PPP2R2D: variants seen among roughly 807,000 people sequenced by gnomAD.
PPP2R2D encodes the protein serine/threonine-protein phosphatase 2A 55 kDa regulatory subunit B delta isoform.
In PPP2R2D, 9 loss-of-function variants were observed where a neutral mutation model predicts 31.1. The observed-to-expected ratio is 0.29, with a 90% CI of 0.17 to 0.51. The LOEUF (loss-of-function observed/expected upper bound fraction) is 0.51, where lower values mean the gene tolerates loss of function less well. PPP2R2D is among the 20% of genes least tolerant of loss of function. The pLI is 0.98. For synonymous variants in PPP2R2D, 179 were observed against 172.6 expected (o/e 1.04, Z -0.29); for missense variants, 391 against 465.6 (o/e 0.84, Z 1.48).
rs1369860534 is a variant in PPP2R2D, at chr10:131,956,401, C to G, written c.*438C>G. On this transcript the variant is annotated 3_prime_UTR_variant, in exon 9 of 9. Transcript: ENST00000455566. ...TGGCCACCGTCCGTGTCCTCTCGGC[C>G]TTCCTCCGAGTCCAGGTGGACTCTG... 1.0e-6 allele frequency: 1 copy of G among 986,022 alleles called. No homozygotes were observed. Among genetic ancestry groups the G allele is most frequent in the African/African-American group, 1.7e-5 (1 of 57,288 alleles). The allele number at this position is 986,022 out of a possible 1,614,324, so 61.1% of individuals were successfully genotyped here. A position where few individuals can be genotyped will look rare whatever the true frequency, so the allele number is the denominator to read the frequency against.
chr10:131,951,169 G>A (rs2036628726), intron 8 of PPP2R2D, among the ~76,000 whole-genome samples: 1 of 152,186 alleles, frequency 6.6e-6, no homozygotes, highest in Admixed American at 6.5e-5. Context: ...TCAGAATGAT[G>A]ATGGTTTGGG....
chr10:131,945,618 C>T lies in PPP2R2D; in HGVS notation c.820+159C>T. The T allele has an allele frequency of 1.3e-6, 1 of 785,230 alleles. No homozygotes were observed. The highest frequency in any genetic ancestry group is 1.9e-5 in the South Asian group (1 of 53,780). The allele number at this position is 785,230 out of a possible 1,614,324, so 48.6% of individuals were successfully genotyped here. ...GGGACCACAGGCAGGTGCCACCATG[C>T]CCAGCTAGTTTTTGTATTTTTAGTA... On this transcript the variant is annotated intron_variant, in intron 7 of 8. Coordinates refer to ENST00000455566, the MANE Select transcript of PPP2R2D (RefSeq NM_018461.5). The surrounding 1 kb of genome is among the most constrained non-coding windows in gnomAD (Gnocchi z 4.8).
the PPP2R2D span, chr10:131,968,439 C>T: frequency 2.7e-5 from 32 of 1,169,254 alleles, no homozygotes; most frequent in East Asian, 7.1e-4. Flanking sequence ...ACGTGGCCAC[C>T]CCAGGATCTA....
At chr10:131,940,537 T>C in intron 4 of PPP2R2D, 45 bp from the exon 5 acceptor site, 1 of 714,252 alleles carries the variant, frequency 1.4e-6, no homozygotes, top group South Asian at 1.5e-5. Flanking sequence ...GTGATGCATG[T>C]TATAGTTTTT....
intron 2 of PPP2R2D, among the ~76,000 whole-genome samples, chr10:131,913,076 G>A (rs2035710014): frequency 6.6e-6 from 1 of 152,156 alleles, no homozygotes; most frequent in African/African-American, 2.4e-5. Flanking sequence ...AGGCTGGAGT[G>A]CAGTGGCACT....
chr10:131,905,764 G>A (rs1156778548), intron 2 of PPP2R2D, among the ~76,000 whole-genome samples: 3 of 152,222 alleles, frequency 2.0e-5, no homozygotes, highest in African/African-American at 7.2e-5. Flanking sequence ...GAGCCACGCC[G>A]ACTGGCCGCA....
intron 2 of PPP2R2D, among the ~76,000 whole-genome samples, chr10:131,901,569 A>C (rs1251877949): frequency 6.6e-6 from 1 of 152,092 alleles, no homozygotes; most frequent in African/African-American, 2.4e-5. Flanking sequence ...TATGTAAGTC[A>C]CCAAGGTCAC....
intron 3 of PPP2R2D, among the ~76,000 whole-genome samples, chr10:131,935,806 G>A (rs781793010): frequency 3.9e-5 from 6 of 152,264 alleles, no homozygotes; most frequent in South Asian, 2.1e-4. Flanking sequence ...GCTCACGCCT[G>A]TAATCCCAGC....
chr10:131,932,673 CAA>C (rs1246959357), intron 2 of PPP2R2D, among the ~76,000 whole-genome samples: 1 of 112,856 alleles, frequency 8.9e-6, no homozygotes, highest in African/African-American at 3.9e-5. Flanking sequence ...AAAAAACACA[CAA>C]AAAAAACCTA....
downstream of PPP2R2D, among the ~76,000 whole-genome samples, chr10:131,960,105 T>C (rs1208034693): frequency 6.6e-6 from 1 of 152,218 alleles, no homozygotes; most frequent in Non-Finnish European, 1.5e-5. Context: ...CTGTGGGTTC[T>C]CCCCAGTGCA....
At chr10:131,952,378 G>A (rs1265651610) in intron 8 of PPP2R2D, among the ~76,000 whole-genome samples, 14 of 76,142 alleles carry the variant, frequency 1.8e-4, no homozygotes, top group Non-Finnish European at 2.8e-4. Flanking sequence ...GTGACTTGCG[G>A]GTGTGCGGGG....
chr10:131,903,455 A>G (rs1202916083), intron 2 of PPP2R2D, among the ~76,000 whole-genome samples: 5 of 134,712 alleles, frequency 3.7e-5, no homozygotes, highest in African/African-American at 1.4e-4. Context: ...CAATAGAACA[A>G]GGCTCCATCT....
chr10:131,919,318 C>G lies in PPP2R2D; in HGVS notation c.101-15140C>G, dbSNP rs149350496. On this transcript the variant is annotated intron_variant, in intron 2 of 8. Coordinates refer to ENST00000455566, the MANE Select transcript of PPP2R2D (RefSeq NM_018461.5). ...CCTCAGGCAGGTGGAATGACACAGT[C>G]TTTGTAGGGACCTCAGGCGGGTGGA... is the stretch of plus-strand genomic sequence containing the variant. 6.7e-3 allele frequency among the ~76,000 whole-genome samples: 658 copies of G among 97,706 alleles called. 84 individuals are homozygous for G. Among genetic ancestry groups the G allele is most frequent in the Non-Finnish European group, 9.6e-3 (472 of 49,144 alleles). The allele number at this position is 97,706 out of a possible 152,430, so 64.1% of individuals were successfully genotyped here. A position where few individuals can be genotyped will look rare whatever the true frequency, so the allele number is the denominator to read the frequency against.
chr10:131,966,291 A>G, the PPP2R2D span, among the ~76,000 whole-genome samples: 1 of 152,232 alleles, frequency 6.6e-6, no homozygotes, highest in Non-Finnish European at 1.5e-5. Context: ...TTATATCAGA[A>G]TCACTTAATG....
chr10:131,942,154 A>C (rs1554897334), intron 5 of PPP2R2D, among the ~76,000 whole-genome samples: 1 of 151,714 alleles, frequency 6.6e-6, no homozygotes, highest in East Asian at 1.9e-4. Context: ...ACCACCTCCC[A>C]CCCAGTTACC....
chr10:131,921,940 A>G (rs1379383220), intron 2 of PPP2R2D, among the ~76,000 whole-genome samples: 1 of 152,174 alleles, frequency 6.6e-6, no homozygotes, highest in Non-Finnish European at 1.5e-5. Context: ...AAAGGTTAAT[A>G]TATTCAGTCA....
intron 2 of PPP2R2D, among the ~76,000 whole-genome samples, chr10:131,918,036 C>T (rs201286812): frequency 4.3e-5 from 6 of 138,524 alleles, no homozygotes; most frequent in Admixed American, 7.2e-5. Flanking sequence ...GGACCTCAGG[C>T]GGGTGGGATG....
In PPP2R2D at chr10:131,947,927, T is replaced by A; in HGVS notation, c.1082+136T>A. On this transcript the variant is annotated intron_variant, in intron 8 of 8. Coordinates refer to ENST00000455566, the MANE Select transcript of PPP2R2D (RefSeq NM_018461.5). The surrounding 1 kb of genome is among the most constrained non-coding windows in gnomAD (Gnocchi z 4.3). Reference sequence around the variant, plus strand: ...GGTGTTGTTTTCCAGACCTTTTGATTGATGGATGATAGTATCAAGGTAGAG... The same window carrying A: ...GGTGTTGTTTTCCAGACCTTTTGATAGATGGATGATAGTATCAAGGTAGAG... 9.5e-7 allele frequency: 1 copy of A among 1,057,008 alleles called. No individual in the cohort carries two copies. The highest frequency in any genetic ancestry group is 1.4e-6 in the Non-Finnish European group (1 of 731,580). 65.5% of individuals were successfully genotyped at this position (1,057,008 alleles called of 1,614,324 possible). A position where few individuals can be genotyped will look rare whatever the true frequency, so the allele number is the denominator to read the frequency against.
At chr10:131,940,762 TGGAGAGTGCTG>T (rs2036427224) in intron 5 of PPP2R2D, 68 bp downstream of exon 5, 1 of 709,696 alleles carries the variant, frequency 1.4e-6, no homozygotes, top group African/African-American at 1.8e-5. Flanking sequence ...GTCTGCTGTC[TGGAGAGTGCTG>T]CGCGGTGGAG....
Sources: gnomAD v4.1 joint callset for allele counts (sites outside exome capture counted in the v4.1 genomes callset) on GRCh38, gnomAD v4.1.1 for gene constraint, Gnocchi (gnomAD v3.1) non-coding constraint, MANE v1.5 for transcripts, NCBI Gene and HGNC (gene_info 2026-07-23, HGNC 2026-07-21) for gene names.